GRID1: variants seen among roughly 807,000 people sequenced by gnomAD.
GRID1 encodes the protein glutamate receptor ionotropic, delta-1.
GRID1 carries 28 observed loss-of-function variants against 98.0 expected under a neutral mutation model. The ratio of observed to expected loss-of-function variants is 0.29; its 90% CI spans 0.21 to 0.39. GRID1 has a LOEUF of 0.39. GRID1 is among the 10% of genes least tolerant of loss of function. The probability of loss-of-function intolerance (pLI) is 1.00; values close to 1 mark genes in which losing one functional copy is unlikely to be tolerated. For synonymous variants in GRID1, 553 were observed against 538.5 expected (o/e 1.03, Z -0.37); for missense variants, 1,111 against 1,340.5 (o/e 0.83, Z 2.67).
chr10:85,990,333 A>T (rs1052984621), intron 4 of GRID1, among the ~76,000 whole-genome samples: 1 of 152,202 alleles, frequency 6.6e-6, no homozygotes, highest in African/African-American at 2.4e-5. Context: ...TACACTCAAC[A>T]GGTATTTATC....
At chr10:86,010,477 G>C (rs1842911386) in intron 4 of GRID1, among the ~76,000 whole-genome samples, 1 of 152,182 alleles carries the variant, frequency 6.6e-6, no homozygotes, top group South Asian at 2.1e-4. Flanking sequence ...GCAGGAGTGG[G>C]ACTGGGATTC....
rs184595087 is a variant in GRID1, at chr10:85,966,037, C to T, written c.727-49798G>A. Among the ~76,000 whole-genome samples, 41 of 152,234 alleles carry T rather than the reference C, an allele frequency of 2.7e-4. 1 individual carries two copies. The highest frequency in any genetic ancestry group is 6.3e-4 in the African/African-American group (26 of 41,532). On this transcript the variant is annotated intron_variant, in intron 4 of 15. Coordinates refer to ENST00000327946, the MANE Select transcript of GRID1 (RefSeq NM_017551.3). ...GATGGGGTGGGAACTGAGTTTGGAG[C>T]GTCTTAAAAAGTTCCATTCTCCAGG... is the stretch of plus-strand genomic sequence containing the variant.
intron 4 of GRID1, among the ~76,000 whole-genome samples, chr10:85,996,829 C>CAAAAAA: frequency 1.5e-5 from 1 of 67,844 alleles, no homozygotes; most frequent in African/African-American, 5.9e-5. Context: ...AACTCCATCT[C>CAAAAAA]AAAAAAAAAA....
Position 85,901,396 on chromosome 10 carries a change from G to A in GRID1, c.780+14790C>T, listed in dbSNP as rs184593547. Among the ~76,000 whole-genome samples the A allele has an allele frequency of 4.3e-3, 650 of 152,074 alleles. 5 individuals carry two copies. The highest frequency in any genetic ancestry group is 0.015 in the African/African-American group (606 of 41,498). ...CGAGTAGCTGGGACTACAGGTGCCC[G>A]CCACCATGCCCGGCTAATTGTTTTT... is the stretch of plus-strand genomic sequence containing the variant. On this transcript the variant is annotated intron_variant, in intron 5 of 15. Coordinates refer to ENST00000327946, the MANE Select transcript of GRID1 (RefSeq NM_017551.3).
At chr10:86,137,544 G>A (rs1010386901) in intron 4 of GRID1, among the ~76,000 whole-genome samples, 1 of 152,212 alleles carries the variant, frequency 6.6e-6, no homozygotes, top group African/African-American at 2.4e-5. Context: ...TCCAGCTGGG[G>A]AAATACTGCA....
Position 85,628,255 on chromosome 10 carries a change from A to G in GRID1, c.2194-8222T>C, listed in dbSNP as rs138308343. ...TTGGAATAATATATGTGCAGGTATG[A>G]CTGTGTATGTGTGTGAATGTATGTG... On this transcript the variant is annotated intron_variant, in intron 13 of 15. Coordinates refer to ENST00000327946, the MANE Select transcript of GRID1 (RefSeq NM_017551.3). Among the ~76,000 whole-genome samples the G allele has an allele frequency of 1.2e-3, 188 of 151,370 alleles. 1 individual carries two copies. Among genetic ancestry groups the G allele is most frequent in the East Asian group, 4.5e-3 (23 of 5,146 alleles).
intron 3 of GRID1, among the ~76,000 whole-genome samples, chr10:86,197,854 T>G (rs1845898051): frequency 6.6e-6 from 1 of 152,106 alleles, no homozygotes; most frequent in Non-Finnish European, 1.5e-5. Context: ...ACTTTGTAAT[T>G]AGATCGAAGA....
At chr10:86,231,852 T>TC (rs1436888900) in intron 2 of GRID1, among the ~76,000 whole-genome samples, 1 of 152,114 alleles carries the variant, frequency 6.6e-6, no homozygotes, top group Non-Finnish European at 1.5e-5. Context: ...ACTGTCTGTC[T>TC]CCCCAAGGAA....
chr10:86,345,771 A>G (rs933276265), intron 2 of GRID1, among the ~76,000 whole-genome samples: 2 of 151,852 alleles, frequency 1.3e-5, no homozygotes, highest in African/African-American at 4.8e-5. Context: ...TCAGGGGTTC[A>G]GTCCTGAGCC....
At chr10:85,940,091 G>A (rs976187926) in intron 4 of GRID1, among the ~76,000 whole-genome samples, 1 of 147,414 alleles carries the variant, frequency 6.8e-6, no homozygotes, top group Non-Finnish European at 1.5e-5. Flanking sequence ...AAAAAAAAGA[G>A]AGAGAGAGAG....
intron 4 of GRID1, among the ~76,000 whole-genome samples, chr10:85,944,527 C>A (rs1340680590): frequency 1.3e-5 from 2 of 152,078 alleles, no homozygotes; most frequent in African/African-American, 4.8e-5. Context: ...TAGCCTTTGA[C>A]CCTAGAGTTC....
chr10:86,352,204 T>C (rs544955044), intron 2 of GRID1, among the ~76,000 whole-genome samples: 1 of 152,294 alleles, frequency 6.6e-6, no homozygotes, highest in South Asian at 2.1e-4. Context: ...GGTACATGGA[T>C]CTTCAGCTCA....
chr10:85,930,683 A>G (rs1349656714), intron 4 of GRID1, among the ~76,000 whole-genome samples: 11 of 152,104 alleles, frequency 7.2e-5, no homozygotes, highest in South Asian at 4.1e-4. Context: ...CTTCTTAAGC[A>G]AAGATTCACA....
chr10:85,817,930 C>T (rs1212314963), intron 8 of GRID1, among the ~76,000 whole-genome samples: 1 of 152,080 alleles, frequency 6.6e-6, no homozygotes, highest in Non-Finnish European at 1.5e-5. Flanking sequence ...AAATGAAAGG[C>T]ATAACCTCAC....
intron 2 of GRID1, among the ~76,000 whole-genome samples, chr10:86,222,156 G>C (rs1846265394): frequency 6.6e-6 from 1 of 152,214 alleles, no homozygotes; most frequent in Non-Finnish European, 1.5e-5. Context: ...CCCAGGCCTA[G>C]AGGGGGGGCC....
At chr10:85,652,084 C>T (rs1407098126) in intron 12 of GRID1, among the ~76,000 whole-genome samples, 2 of 152,140 alleles carry the variant, frequency 1.3e-5, no homozygotes, top group African/African-American at 2.4e-5. Flanking sequence ...TTGTAAGCAT[C>T]CCTTGCCTCT....
chr10:85,785,420 C>T (rs751131282), intron 8 of GRID1, among the ~76,000 whole-genome samples: 7 of 152,140 alleles, frequency 4.6e-5, no homozygotes, highest in African/African-American at 9.7e-5. Flanking sequence ...ATTCCACGGA[C>T]GCGGAAAGAG....
At chr10:85,670,708 T>A (rs1159321956) in intron 12 of GRID1, among the ~76,000 whole-genome samples, 3 of 152,060 alleles carry the variant, frequency 2.0e-5, no homozygotes, top group African/African-American at 7.2e-5. Context: ...GGGTCCTCCA[T>A]CTTGCTGGGT....
intron 8 of GRID1, among the ~76,000 whole-genome samples, chr10:85,851,579 G>A (rs1843058856): frequency 6.6e-6 from 1 of 152,142 alleles, no homozygotes; most frequent in Non-Finnish European, 1.5e-5. Flanking sequence ...TCCCTCCAGG[G>A]TATTTAAGAA....
Sources: gnomAD v4.1 joint callset for allele counts (sites outside exome capture counted in the v4.1 genomes callset) on GRCh38, gnomAD v4.1.1 for gene constraint, MANE v1.5 for transcripts, NCBI Gene and HGNC (gene_info 2026-07-23, HGNC 2026-07-21) for gene names.